The following REPS2 variants were observed in gnomAD, a reference collection of about 807,000 sequenced individuals.
REPS2 encodes RALBP1 associated Eps domain containing 2, also known as ralBP1-associated Eps domain-containing protein 2.
In REPS2, 23 loss-of-function variants were observed where a neutral mutation model predicts 53.6. The observed-to-expected ratio is 0.43, with a 90% confidence interval of 0.31 to 0.61. The LOEUF is 0.61. REPS2 is among the 20% of genes least tolerant of loss of function. REPS2 has a pLI of 0.11. For missense variants in REPS2, 446 were observed against 534.9 expected (o/e 0.83, Z 1.64); for synonymous variants, 238 against 218.6 (o/e 1.09, Z -0.78).
the REPS2 span, among the ~76,000 whole-genome samples, chrX:17,166,592 G>C: frequency 3.6e-5 from 4 of 112,049 alleles, no homozygotes; most frequent in African/African-American, 1.3e-4. Flanking sequence ...CCCAGACACA[G>C]AGGAGACCTG....
intron 13 of REPS2, among the ~76,000 whole-genome samples, chrX:17,083,721 A>G (rs1352672787): frequency 1.8e-5 from 2 of 111,317 alleles, no homozygotes; most frequent in African/African-American, 6.5e-5. Flanking sequence ...CTGACCTTAT[A>G]TATTTCCTTA....
At chrX:17,074,729 AG>A (rs1023742036) in intron 12 of REPS2, 1 of 112,207 alleles carries the variant, frequency 8.9e-6, no homozygotes, top group African/African-American at 3.3e-5. Context: ...TGTGAGACTC[AG>A]AAGAGAGGTG....
the REPS2 span, among the ~76,000 whole-genome samples, chrX:17,196,166 C>A: frequency 9.0e-6 from 1 of 111,600 alleles, no homozygotes; most frequent in Non-Finnish European, 1.9e-5. Context: ...GAGGTAGATA[C>A]AGCGTAGGAC....
At chrX:16,966,442 G>A (rs2060770274) in intron 1 of REPS2, among the ~76,000 whole-genome samples, 1 of 112,085 alleles carries the variant, frequency 8.9e-6, no homozygotes, top group South Asian at 3.7e-4. Context: ...TACATAATGA[G>A]ATCTCTTGGG....
At chrX:17,084,368 CCAAGTTTT>C (rs1234441107) in intron 13 of REPS2, among the ~76,000 whole-genome samples, 1 of 112,044 alleles carries the variant, frequency 8.9e-6, no homozygotes, top group African/African-American at 3.2e-5. Context: ...ACATTCATGT[CCAAGTTTT>C]TGTGTAAACA....
At chrX:17,189,974 T>G in the REPS2 span, among the ~76,000 whole-genome samples, 1 of 112,297 alleles carries the variant, frequency 8.9e-6, no homozygotes, top group Non-Finnish European at 1.9e-5. Context: ...TATTTGTTGT[T>G]CAAATATTGG....
rs1360226953 is a variant in REPS2 at position 16,953,488 on chromosome X, A to G, written c.273+6354A>G. On this transcript the variant is annotated intron_variant, in intron 1 of 17. Coordinates refer to ENST00000357277, the MANE Select transcript of REPS2 (RefSeq NM_004726.3). ...TACCAGAGTCCTGAATTTGGTGTGC[A>G]TGATTTGAAGATTTCTTTCTACTTT... 3.6e-5 allele frequency among the ~76,000 whole-genome samples: 4 copies of G among 111,435 alleles called. No individual in the cohort carries two copies. In the Admixed American group the frequency reaches 3.8e-4, roughly 11 times the overall value.
intron 13 of REPS2, among the ~76,000 whole-genome samples, chrX:17,098,662 A>G (rs921168785): frequency 3.6e-5 from 4 of 110,912 alleles, no homozygotes; most frequent in African/African-American, 9.8e-5. Context: ...CCAGTATGAA[A>G]GTTTAATCTC....
chrX:17,156,933 T>A (rs2063618767), downstream of REPS2, among the ~76,000 whole-genome samples: 1 of 111,497 alleles, frequency 9.0e-6, no homozygotes, highest in Non-Finnish European at 1.9e-5. Flanking sequence ...GTTTTTATCC[T>A]AGTCACTTGT....
At chrX:17,027,946 A>G (rs1053453851) in intron 4 of REPS2, among the ~76,000 whole-genome samples, 2 of 110,962 alleles carry the variant, frequency 1.8e-5, no homozygotes, top group African/African-American at 6.6e-5. Context: ...TTGTGACCAG[A>G]TGGGCTTTAG....
chrX:17,141,194 A>G (rs2063442149), intron 17 of REPS2, among the ~76,000 whole-genome samples: 1 of 112,365 alleles, frequency 8.9e-6, no homozygotes, highest in South Asian at 3.7e-4. Context: ...GCTTTTTCCT[A>G]GTCAATTCCT....
chrX:17,169,316 A>G, the REPS2 span, among the ~76,000 whole-genome samples: 3 of 112,383 alleles, frequency 2.7e-5, no homozygotes, highest in Admixed American at 9.4e-5. Context: ...GATGGCATCC[A>G]TGGTGAATTG....
chrX:17,118,270 T>G (rs191068694), intron 14 of REPS2, among the ~76,000 whole-genome samples: 95 of 111,514 alleles, frequency 8.5e-4, no homozygotes, highest in Non-Finnish European at 4.7e-4. Context: ...TTTCCTGACT[T>G]TTTAATGATT....
At chrX:16,982,022 T>C (rs898663160) in intron 1 of REPS2, among the ~76,000 whole-genome samples, 1 of 111,826 alleles carries the variant, frequency 8.9e-6, no homozygotes, top group Non-Finnish European at 1.9e-5. Flanking sequence ...TCTGTCTCTA[T>C]GAATTTGCCT....
At chrX:17,015,691 G>A (rs1286214895) in intron 2 of REPS2, among the ~76,000 whole-genome samples, 3 of 110,403 alleles carry the variant, frequency 2.7e-5, no homozygotes, top group South Asian at 3.9e-4. Flanking sequence ...AATAGTTTGC[G>A]GAGAATGATG....
chrX:17,166,730 C>T, the REPS2 span, among the ~76,000 whole-genome samples: 1 of 111,685 alleles, frequency 9.0e-6, no homozygotes, highest in Admixed American at 9.4e-5. Context: ...CTTCTCTACA[C>T]ACATGTGTAT....
chrX:17,093,463 C>A (rs2062653964), intron 13 of REPS2, among the ~76,000 whole-genome samples: 1 of 109,442 alleles, frequency 9.1e-6, no homozygotes, highest in South Asian at 4.0e-4. Flanking sequence ...GAGGGGAAGG[C>A]CCAGAGCTTC....
At chrX:17,138,999 T>C (rs781318846) in intron 17 of REPS2, 38 bp downstream of exon 17, 1 of 942,404 alleles carries the variant, frequency 1.1e-6, no homozygotes, top group Non-Finnish European at 1.5e-6. Flanking sequence ...ACCAGGCTTT[T>C]CCCTGGCTTT....
chrX:16,947,057 G>C lies in REPS2; in HGVS notation c.196G>C (p.Gly66Arg). ...CCCCGAGGCCGCCAGAGTCGCCCCC[G>C]GCACGGCCACTGCGGCCGCCGGCCC... is the stretch of plus-strand genomic sequence containing the variant. Reference protein sequence around the residue: ...GPPEAARVAPGTATAAAGPVA... With the variant: ...GPPEAARVAPRTATAAAGPVA... The change falls in exon 1 of 18, where the codon GGC (glycine) becomes CGC (arginine). Residue 66 changes from glycine to arginine, a missense_variant. Transcript: ENST00000357277. 1 of 1,044,862 alleles carries C rather than the reference G, an allele frequency of 9.6e-7. No homozygotes were observed. The highest frequency in any genetic ancestry group is 4.1e-5 in the East Asian group (1 of 24,261). 86.1% of individuals were successfully genotyped at this position (1,044,862 alleles called of 1,213,427 possible). A position where few individuals can be genotyped will look rare whatever the true frequency, so the allele number is the denominator to read the frequency against.
Sources: gnomAD v4.1 joint callset for allele counts (sites outside exome capture counted in the v4.1 genomes callset) on GRCh38, gnomAD v4.1.1 for gene constraint, MANE v1.5 for transcripts, NCBI Gene and HGNC (gene_info 2026-07-23, HGNC 2026-07-21) for gene names.